MLLT10: variants seen among roughly 807,000 people sequenced by gnomAD.
MLLT10 encodes the protein protein AF-10.
Under a neutral mutation model 129.1 loss-of-function variants are expected in MLLT10, and 30 were observed. That is an observed-to-expected ratio of 0.23 (90% CI 0.17 to 0.32). MLLT10 has a LOEUF of 0.32. Among genes scored for constraint, MLLT10 ranks in the 10% least tolerant of loss-of-function variants. The pLI is 1.00. For synonymous variants in MLLT10, 490 were observed against 446.4 expected, an observed-to-expected ratio of 1.10 and a Z score of -1.23; for missense variants, 1,119 against 1,268.3, an observed-to-expected ratio of 0.88 and a Z score of 1.79.
rs549620890 is a variant in MLLT10, at chr10:21,711,566, G to A, written c.1700-2206G>A. Among the ~76,000 whole-genome samples the A allele has an allele frequency of 3.0e-5, 4 of 135,406 alleles. No homozygotes were observed. The South Asian group carries it at 1.0e-3, about 34-fold the overall frequency. The allele number at this position is 135,406 out of a possible 152,430, so 88.8% of individuals were successfully genotyped here. On this transcript the variant is annotated intron_variant, in intron 13 of 22. Coordinates refer to ENST00000307729, the MANE Select transcript of MLLT10 (RefSeq NM_001195626.3). ...GTGAGACCCCATCTCTTAACCCACC[G>A]ACCCCACAACCAACGCAAAAAAAAA...
At chr10:21,675,497 A>G (rs1220195562) in intron 11 of MLLT10, among the ~76,000 whole-genome samples, 1 of 152,210 alleles carries the variant, frequency 6.6e-6, no homozygotes, top group Non-Finnish European at 1.5e-5. Flanking sequence ...GAGGGGGAAA[A>G]TACATGTAAA....
rs2051747797 is a variant in MLLT10, at chr10:21,673,647, A to G, written c.1349A>G (p.Tyr450Cys). ...LGNSSLPTAG[Y>C]KRAQTSGIEE... ...AATTCCAGCCTTCCTACAGCAGGAT[A>G]TAAGCGGGCTCAAACTTCTGGCATA... Residue 450 changes from tyrosine to cysteine, a missense_variant, in exon 11 of 23, where the codon TAT becomes TGT. Coordinates refer to ENST00000307729, the MANE Select transcript of MLLT10 (RefSeq NM_001195626.3). 1.9e-6 allele frequency: 3 copies of G among 1,614,168 alleles called. No homozygotes were observed. Among genetic ancestry groups the G allele is most frequent in the Non-Finnish European group, 2.5e-6 (3 of 1,180,018 alleles).
At chr10:21,721,872 T>C (rs186281275) in intron 14 of MLLT10, among the ~76,000 whole-genome samples, 168 of 152,202 alleles carry the variant, frequency 1.1e-3, no homozygotes, top group African/African-American at 3.9e-3. Flanking sequence ...TCTTGTAAAA[T>C]AATTACACTT....
At chr10:21,579,060 T>C (rs1324252746) in intron 3 of MLLT10, among the ~76,000 whole-genome samples, 1 of 152,252 alleles carries the variant, frequency 6.6e-6, no homozygotes, top group Admixed American at 6.5e-5. Flanking sequence ...TGATAAATTG[T>C]GTTTTCTTTC....
chr10:21,535,058 T>C (rs961542997), intron 2 of MLLT10, among the ~76,000 whole-genome samples: 5 of 141,548 alleles, frequency 3.5e-5, no homozygotes, highest in African/African-American at 5.2e-5. Context: ...GGCCGGGGTC[T>C]GCTGACTCGG....
chr10:21,651,312 C>T lies in MLLT10; in HGVS notation c.700-361C>T, dbSNP rs550626913. Among the ~76,000 whole-genome samples the T allele has an allele frequency of 3.3e-5, 5 of 152,194 alleles. No homozygotes were observed. In the South Asian group the frequency reaches 6.2e-4, roughly 19 times the overall value. ...ATCCTAAACTCCTGGCCTCGTGATC[C>T]GCCCGCTTCAGCTTCCCAAAGTGCT... On this transcript the variant is annotated intron_variant, in intron 8 of 22. Transcript: ENST00000307729.
At chr10:21,625,117 TC>T in intron 8 of MLLT10, 2 of 957,742 alleles carry the variant, frequency 2.1e-6, no homozygotes, top group South Asian at 1.4e-5. Context: ...TATCCACCTC[TC>T]CCCCAACCTC....
intron 3 of MLLT10, among the ~76,000 whole-genome samples, chr10:21,545,884 C>G (rs552572411): frequency 6.6e-6 from 1 of 151,926 alleles, no homozygotes; most frequent in South Asian, 2.1e-4. Flanking sequence ...CCAGGCTGGT[C>G]TCGAACACCT....
intron 3 of MLLT10, among the ~76,000 whole-genome samples, chr10:21,557,465 C>T (rs2038191914): frequency 6.6e-6 from 1 of 152,122 alleles, no homozygotes; most frequent in African/African-American, 2.4e-5. Flanking sequence ...GTCCTGGTTA[C>T]CAGGCAGCCT....
chr10:21,738,368 T>G (rs2058552987), intron 21 of MLLT10: 2 of 1,273,700 alleles, frequency 1.6e-6, no homozygotes, highest in African/African-American at 3.1e-5. Context: ...TTTATTTGGG[T>G]GTCTTCCTAT....
chr10:21,585,624 G>C (rs2041913937), intron 3 of MLLT10, among the ~76,000 whole-genome samples: 1 of 152,130 alleles, frequency 6.6e-6, no homozygotes, highest in Non-Finnish European at 1.5e-5. Context: ...AAGTAAACAG[G>C]TAACAGGCAT....
At chr10:21,690,801 T>C (rs1385807043) in intron 13 of MLLT10, among the ~76,000 whole-genome samples, 1 of 152,194 alleles carries the variant, frequency 6.6e-6, no homozygotes, top group Non-Finnish European at 1.5e-5. Flanking sequence ...ATGACTTTTG[T>C]ATTTAATTTT....
intron 5 of MLLT10, among the ~76,000 whole-genome samples, chr10:21,602,557 ACTTAT>A (rs2043645112): frequency 6.6e-6 from 1 of 152,144 alleles, no homozygotes; most frequent in Non-Finnish European, 1.5e-5. Flanking sequence ...TCCTAGATTA[ACTTAT>A]CTTATGTGAC....
intron 8 of MLLT10, among the ~76,000 whole-genome samples, chr10:21,647,353 A>G (rs1301233287): frequency 6.6e-6 from 1 of 151,916 alleles, no homozygotes; most frequent in Non-Finnish European, 1.5e-5. Context: ...ATAGTTTCTA[A>G]CTCTTGTTTT....
intron 13 of MLLT10, among the ~76,000 whole-genome samples, chr10:21,701,206 C>T (rs1426487141): frequency 1.4e-5 from 2 of 144,406 alleles, no homozygotes; most frequent in African/African-American, 5.0e-5. Context: ...TTGGTTCTTA[C>T]CTCTTTTTTT....
At chr10:21,576,985 T>G (rs1425455132) in intron 3 of MLLT10, among the ~76,000 whole-genome samples, 1 of 152,166 alleles carries the variant, frequency 6.6e-6, no homozygotes, top group African/African-American at 2.4e-5. Flanking sequence ...TTAGAACACT[T>G]GTATCCCCTC....
chr10:21,740,476 C>G (rs1400749295), intron 22 of MLLT10, among the ~76,000 whole-genome samples: 1 of 152,140 alleles, frequency 6.6e-6, no homozygotes, highest in East Asian at 1.9e-4. Flanking sequence ...TTCAAGATGA[C>G]AAAGTTAGCA....
intron 6 of MLLT10, among the ~76,000 whole-genome samples, chr10:21,614,225 C>A (rs200217259): frequency 4.3e-3 from 348 of 80,856 alleles, no homozygotes; most frequent in Non-Finnish European, 4.8e-3. Flanking sequence ...TTTTTTTTTT[C>A]AAAAAAAAAA....
At chr10:21,599,437 A>G (rs913469483) in intron 5 of MLLT10, among the ~76,000 whole-genome samples, 10 of 152,198 alleles carry the variant, frequency 6.6e-5, no homozygotes, top group Non-Finnish European at 2.9e-5. Flanking sequence ...ATCCATCTCT[A>G]TATATTGAAC....
Sources: allele counts gnomAD v4.1 joint callset (sites outside exome capture counted in the v4.1 genomes callset), GRCh38; gene constraint gnomAD v4.1.1; transcripts MANE v1.5; gene names NCBI Gene and HGNC (gene_info 2026-07-23, HGNC 2026-07-21).